Variants in DENND1A observed in about 807,000 individuals in gnomAD.
DENND1A encodes DENN domain containing 1A.
A neutral mutation model predicts 113.7 loss-of-function variants in DENND1A; 51 were observed. The observed-to-expected ratio is 0.45, with a 90% confidence interval of 0.36 to 0.57. DENND1A has a LOEUF of 0.57. Ranked by LOEUF, DENND1A falls within the 20% of genes least tolerant of loss-of-function variation. The pLI, the probability that DENND1A is intolerant of heterozygous loss-of-function variation, is 0.00. For synonymous variants in DENND1A, 565 were observed against 570.8 expected, an observed-to-expected ratio of 0.99 and a Z score of 0.14; for missense variants, 1,258 against 1,395.9, an observed-to-expected ratio of 0.90 and a Z score of 1.57.
chr9:123,539,090 AT>A (rs2056079994), intron 13 of DENND1A, among the ~76,000 whole-genome samples: 1 of 152,006 alleles, frequency 6.6e-6, no homozygotes, highest in Non-Finnish European at 1.5e-5. Flanking sequence ...GAATATCACC[AT>A]TTTTCAACTC....
At position 123,733,132 on chromosome 9, in the gene DENND1A, C is replaced by T. The variant is rs575065142; in HGVS notation, c.302+24571G>A. Reference sequence around the variant, plus strand: ...AAGTAGCTGGGATTATAGGCACACGCCACCACACTCGGCTAATTTTGTATT... The same window carrying T: ...AAGTAGCTGGGATTATAGGCACACGTCACCACACTCGGCTAATTTTGTATT... On this transcript the variant is annotated intron_variant, in intron 5 of 23. Coordinates refer to ENST00000394215, the MANE Select transcript of DENND1A (RefSeq NM_001352964.2). Among the ~76,000 whole-genome samples, 3 of 152,224 alleles carry T rather than the reference C, an allele frequency of 2.0e-5. No homozygotes were observed. The South Asian group carries it at 6.2e-4, about 32-fold the overall frequency.
chr9:123,823,188 G>A (rs1290096824), intron 2 of DENND1A, among the ~76,000 whole-genome samples: 6 of 151,878 alleles, frequency 4.0e-5, no homozygotes, highest in African/African-American at 7.3e-5. Flanking sequence ...GGAGGTAAAC[G>A]CAAAAAAGAA....
At chr9:123,736,568 A>G (rs2068581593) in intron 5 of DENND1A, 1 of 152,198 alleles carries the variant, frequency 6.6e-6, no homozygotes, top group Non-Finnish European at 1.5e-5. Context: ...TGATAATAAG[A>G]TACAATTACA....
chr9:123,459,208 C>G (rs531277639), intron 13 of DENND1A, among the ~76,000 whole-genome samples: 1 of 152,246 alleles, frequency 6.6e-6, no homozygotes, highest in South Asian at 2.1e-4. Flanking sequence ...ACCCTGTTAC[C>G]TGAGTTCCAT....
intron 2 of DENND1A, among the ~76,000 whole-genome samples, chr9:123,875,463 C>G (rs963910462): frequency 3.3e-5 from 5 of 152,194 alleles, no homozygotes; most frequent in Non-Finnish European, 7.3e-5. Context: ...ACCTTTACAA[C>G]TGACTAGAAG....
At chr9:123,580,550 T>C (rs1274266745) in intron 12 of DENND1A, among the ~76,000 whole-genome samples, 1 of 152,252 alleles carries the variant, frequency 6.6e-6, no homozygotes, top group East Asian at 1.9e-4. Context: ...TGCCAGTCAC[T>C]CATCTCATGC....
chr9:123,874,868 G>A (rs1161120341), intron 2 of DENND1A, among the ~76,000 whole-genome samples: 1 of 152,166 alleles, frequency 6.6e-6, no homozygotes, highest in African/African-American at 2.4e-5. Context: ...TAAAAGTATG[G>A]CATGATTCAG....
At chr9:123,578,801 G>A (rs1182550817) in intron 12 of DENND1A, among the ~76,000 whole-genome samples, 1 of 152,080 alleles carries the variant, frequency 6.6e-6, no homozygotes, top group African/African-American at 2.4e-5. Context: ...AGAAAGATAT[G>A]GTCAAATCTA....
chr9:123,416,660 G>A (rs1223515781), intron 19 of DENND1A, among the ~76,000 whole-genome samples: 2 of 152,208 alleles, frequency 1.3e-5, no homozygotes, highest in African/African-American at 2.4e-5. Flanking sequence ...AGCACTTCCC[G>A]AGCTGGGCCA....
chr9:123,884,619 A>T (rs1848754005), intron 1 of DENND1A, among the ~76,000 whole-genome samples: 1 of 152,052 alleles, frequency 6.6e-6, no homozygotes, highest in South Asian at 2.1e-4. Flanking sequence ...TAATTCTAGG[A>T]CAATTATACC....
intron 12 of DENND1A, among the ~76,000 whole-genome samples, chr9:123,571,753 G>T (rs2058368031): frequency 6.6e-6 from 1 of 152,180 alleles, no homozygotes; most frequent in Non-Finnish European, 1.5e-5. Context: ...GAATACAGCT[G>T]CCATAAACAT....
chr9:123,514,876 C>T (rs2134707539), intron 13 of DENND1A, among the ~76,000 whole-genome samples: 1 of 152,258 alleles, frequency 6.6e-6, no homozygotes, highest in Non-Finnish European at 1.5e-5. Flanking sequence ...AAGTATCACT[C>T]CCTACTAAAA....
chr9:123,743,994 T>A (rs1281623025), intron 5 of DENND1A, among the ~76,000 whole-genome samples: 4 of 152,154 alleles, frequency 2.6e-5, no homozygotes, highest in Non-Finnish European at 4.4e-5. Context: ...TTTTGGTAGC[T>A]AAAGTACTGC....
At chr9:123,811,541 C>G (rs954564973) in intron 2 of DENND1A, among the ~76,000 whole-genome samples, 1 of 152,172 alleles carries the variant, frequency 6.6e-6, no homozygotes, top group African/African-American at 2.4e-5. Flanking sequence ...GGGCAGATCA[C>G]AAGGTCAGGA....
intron 13 of DENND1A, among the ~76,000 whole-genome samples, chr9:123,555,787 A>G (rs1475090774): frequency 1.3e-5 from 2 of 151,792 alleles, no homozygotes; most frequent in Admixed American, 1.3e-4. Flanking sequence ...ACAACGATAA[A>G]CTCCTCCCGT....
chr9:123,872,392 C>T (rs953351751), intron 2 of DENND1A, among the ~76,000 whole-genome samples: 2 of 152,066 alleles, frequency 1.3e-5, no homozygotes, highest in Non-Finnish European at 2.9e-5. Context: ...TTCATAGCAA[C>T]TAAAATGATT....
chr9:123,411,932 C>T, intron 19 of DENND1A, 103 bp from the exon 20 acceptor site: 1 of 785,370 alleles, frequency 1.3e-6, no homozygotes, highest in African/African-American at 1.9e-5. Flanking sequence ...AAGCCAGAGC[C>T]AGAGGGCCAA....
chr9:123,782,428 G>A (rs920769459), intron 3 of DENND1A, among the ~76,000 whole-genome samples: 2 of 152,156 alleles, frequency 1.3e-5, no homozygotes, highest in African/African-American at 4.8e-5. Flanking sequence ...GTCCTACCTA[G>A]CTTAAATTCT....
At chr9:123,756,213 T>C (rs1276577679) in intron 5 of DENND1A, among the ~76,000 whole-genome samples, 1 of 152,120 alleles carries the variant, frequency 6.6e-6, no homozygotes, top group African/African-American at 2.4e-5. Flanking sequence ...TGCCCGGCCA[T>C]AGTTGAGTTT....
Sources: gnomAD v4.1 joint callset for allele counts (sites outside exome capture counted in the v4.1 genomes callset) on GRCh38, gnomAD v4.1.1 for gene constraint, MANE v1.5 for transcripts, NCBI Gene and HGNC (gene_info 2026-07-23, HGNC 2026-07-21) for gene names.